The following MAP3K3 variants were observed in gnomAD, a reference collection of about 807,000 sequenced individuals.
MAP3K3 encodes the protein mitogen-activated protein kinase kinase kinase 3, also known as MAP/ERK kinase kinase 3.
A neutral mutation model predicts 80.9 loss-of-function variants in MAP3K3; 12 were observed. The ratio of observed to expected loss-of-function variants is 0.15; its 90% CI spans 0.10 to 0.24. The LOEUF is 0.24. MAP3K3 is among the 10% of genes least tolerant of loss of function. The pLI is 1.00. For synonymous variants in MAP3K3, 272 were observed against 307.1 expected, an observed-to-expected ratio of 0.89 and a Z score of 1.19; for missense variants, 596 against 834.7, an observed-to-expected ratio of 0.71 and a Z score of 3.52.
chr17:63,669,472 C>CT (rs535427198), intron 6 of MAP3K3, among the ~76,000 whole-genome samples: 6,034 of 145,550 alleles, frequency 0.041, 243 homozygotes, highest in African/African-American at 0.1. Flanking sequence ...ATTATGTTGT[C>CT]TTTTTTTTTT....
intron 5 of MAP3K3, 49 bp from the exon 6 acceptor site, chr17:63,666,891 G>T: frequency 1.4e-5 from 23 of 1,607,012 alleles, no homozygotes; most frequent in Non-Finnish European, 2.0e-5. Flanking sequence ...ACCTTGATAG[G>T]CCTGACTGTG....
At chr17:63,660,299 C>G (rs569010486) in intron 5 of MAP3K3, among the ~76,000 whole-genome samples, 78 of 152,184 alleles carry the variant, frequency 5.1e-4, no homozygotes, top group Non-Finnish European at 9.9e-4. Context: ...CTCCCAGACT[C>G]AAGTTATCTT....
rs1256814115 is a variant in MAP3K3, at chr17:63,637,119, T to TA, written c.126+4318dup. Reference sequence around the variant, plus strand: ...CAGCTTTCAACAAGGTCTGAAGCCTTAGAGTGTGTGTGCGTGCATGCGCAC... The same window carrying TA: ...CAGCTTTCAACAAGGTCTGAAGCCTTAAGAGTGTGTGTGCGTGCATGCGCAC... On this transcript the variant is annotated intron_variant, in intron 2 of 15. Coordinates refer to ENST00000361733, the MANE Select transcript of MAP3K3 (RefSeq NM_002401.5). The TA allele has an allele frequency of 1.1e-5, 4 of 376,774 alleles. No homozygotes were observed. In the Admixed American group the frequency reaches 1.1e-4, roughly 10 times the overall value. 23.3% of individuals were successfully genotyped at this position (376,774 alleles called of 1,614,324 possible). A position where few individuals can be genotyped will look rare whatever the true frequency, so the allele number is the denominator to read the frequency against.
At chr17:63,623,113 A>G (rs1470515514) in intron 1 of MAP3K3, among the ~76,000 whole-genome samples, 1 of 151,972 alleles carries the variant, frequency 6.6e-6, no homozygotes, top group East Asian at 1.9e-4. Context: ...GGGGAGCAAG[A>G]GCGCAGTGTG....
chr17:63,676,323 G>T lies in MAP3K3; in HGVS notation c.503-5443G>T, dbSNP rs572617293. Among the ~76,000 whole-genome samples the T allele has an allele frequency of 7.2e-5, 11 of 152,322 alleles. No individual in the cohort carries two copies. In the South Asian group the frequency reaches 2.3e-3, roughly 32 times the overall value. On this transcript the variant is annotated intron_variant, in intron 6 of 15. Coordinates refer to ENST00000361733, the MANE Select transcript of MAP3K3 (RefSeq NM_002401.5). ...GTCCCATCCCACCTGTAAAACCAGG[G>T]GAGAGTTCAGTGCAGCTGATGAAGG...
Position 63,694,078 on chromosome 17 carries a change from G to T in MAP3K3, c.*301G>T. ...AGCCGTGGGCCCCACCCTCGGGGAT[G>T]TGTCCTGACACTGCAATTGGCACCG... is the stretch of plus-strand genomic sequence containing the variant. On this transcript the variant is annotated 3_prime_UTR_variant, in exon 16 of 16. Transcript: ENST00000361733. 1 of 339,186 alleles carries T rather than the reference G, an allele frequency of 2.9e-6. No homozygotes were observed. 21.0% of individuals were successfully genotyped at this position (339,186 alleles called of 1,614,324 possible). A position where few individuals can be genotyped will look rare whatever the true frequency, so the allele number is the denominator to read the frequency against.
intron 4 of MAP3K3, 44 bp from the exon 5 acceptor site, chr17:63,657,750 C>A: frequency 2.4e-6 from 2 of 828,718 alleles, no homozygotes; most frequent in Non-Finnish European, 4.0e-6. Flanking sequence ...TTGAGATAAA[C>A]TTCTGTTTTA....
intron 6 of MAP3K3, among the ~76,000 whole-genome samples, chr17:63,673,415 AC>A (rs2035150748): frequency 6.6e-6 from 1 of 151,708 alleles, no homozygotes; most frequent in Admixed American, 6.6e-5. Context: ...AACAAAAAAA[AC>A]CCTACTAAGT....
At chr17:63,683,116 AAATTTCTT>A (rs1215455085) in intron 7 of MAP3K3, among the ~76,000 whole-genome samples, 4 of 152,264 alleles carry the variant, frequency 2.6e-5, no homozygotes, top group Non-Finnish European at 5.9e-5. Flanking sequence ...TGAGAAGGGG[AAATTTCTT>A]AAGGGGAAAA....
chr17:63,651,973 C>T (rs1176130732), intron 3 of MAP3K3, among the ~76,000 whole-genome samples: 1 of 152,186 alleles, frequency 6.6e-6, no homozygotes, highest in Non-Finnish European at 1.5e-5. Context: ...GCCATGTTTT[C>T]AGGACTGCTA....
chr17:63,637,266 A>C (rs1431278758), intron 2 of MAP3K3, among the ~76,000 whole-genome samples: 1 of 151,910 alleles, frequency 6.6e-6, no homozygotes, highest in Non-Finnish European at 1.5e-5. Flanking sequence ...GTAGGATTTT[A>C]TAATTTATAG....
chr17:63,646,081 C>T lies in MAP3K3; in HGVS notation c.167+7C>T. 6.2e-7 allele frequency: 1 copy of T among 1,613,718 alleles called. No individual in the cohort carries two copies. The highest frequency in any genetic ancestry group is 8.5e-7 in the Non-Finnish European group (1 of 1,179,682). ...AGCACAACGGGGAGAGGCGGTAAGTCTGCCTTCTGATGAGTAGCTGTGTTC... is the reference window on the plus strand; with the variant it reads ...AGCACAACGGGGAGAGGCGGTAAGTTTGCCTTCTGATGAGTAGCTGTGTTC... On this transcript the variant is annotated splice_region_variant and intron_variant, in intron 3 of 15. Coordinates refer to ENST00000361733, the MANE Select transcript of MAP3K3 (RefSeq NM_002401.5).
intron 1 of MAP3K3, among the ~76,000 whole-genome samples, chr17:63,625,631 T>G (rs1425279138): frequency 1.3e-5 from 2 of 152,174 alleles, no homozygotes; most frequent in Admixed American, 1.3e-4. Flanking sequence ...TAGTCTCAAT[T>G]CAGTTTGGCT....
intron 2 of MAP3K3, among the ~76,000 whole-genome samples, chr17:63,640,407 G>A (rs2143247126): frequency 6.6e-6 from 1 of 152,250 alleles, no homozygotes; most frequent in East Asian, 1.9e-4. Flanking sequence ...AGTGTGTGAG[G>A]TATGTGTATG....
intron 3 of MAP3K3, among the ~76,000 whole-genome samples, chr17:63,647,156 A>C (rs965122080): frequency 1.3e-5 from 2 of 152,114 alleles, no homozygotes; most frequent in African/African-American, 4.8e-5. Flanking sequence ...ACACATTCAC[A>C]AGCCTACAAG....
At chr17:63,648,430 T>C (rs185427249) in intron 3 of MAP3K3, among the ~76,000 whole-genome samples, 1 of 152,310 alleles carries the variant, frequency 6.6e-6, no homozygotes, top group East Asian at 1.9e-4. Context: ...AAAGCTATCC[T>C]CTCAAAAGGC....
chr17:63,626,281 C>G (rs1568119410), intron 1 of MAP3K3, among the ~76,000 whole-genome samples: 1 of 152,142 alleles, frequency 6.6e-6, no homozygotes, highest in South Asian at 2.1e-4. Context: ...CCTGTGTTAT[C>G]CTGTCCTCAA....
chr17:63,638,376 G>C (rs2034374407), intron 2 of MAP3K3, among the ~76,000 whole-genome samples: 1 of 152,156 alleles, frequency 6.6e-6, no homozygotes, highest in South Asian at 2.1e-4. Flanking sequence ...ATGGGTAACT[G>C]AGGCCTTTTT....
At chr17:63,667,411 C>T (rs548303450) in intron 6 of MAP3K3, among the ~76,000 whole-genome samples, 3 of 152,122 alleles carry the variant, frequency 2.0e-5, no homozygotes, top group East Asian at 3.9e-4. Flanking sequence ...AGTTAGGAAT[C>T]GGGTCTAAGT....
Sources: allele counts gnomAD v4.1 joint callset (sites outside exome capture counted in the v4.1 genomes callset), GRCh38; gene constraint gnomAD v4.1.1; transcripts MANE v1.5; gene names NCBI Gene and HGNC (gene_info 2026-07-23, HGNC 2026-07-21).